Variants in CSNK1G1 observed in about 807,000 individuals in gnomAD.
CSNK1G1 encodes casein kinase I isoform gamma-1.
Under a neutral mutation model 59.6 loss-of-function variants are expected in CSNK1G1, and 22 were observed. The observed-to-expected ratio is 0.37, with a 90% CI of 0.26 to 0.53. The LOEUF is 0.53. Ranked by LOEUF, CSNK1G1 falls within the 20% of genes least tolerant of loss-of-function variation. The pLI is 0.89. For synonymous variants in CSNK1G1, 179 were observed against 177.1 expected, an observed-to-expected ratio of 1.01 and a Z score of -0.08; for missense variants, 384 against 519.5, an observed-to-expected ratio of 0.74 and a Z score of 2.54.
intron 2 of CSNK1G1, among the ~76,000 whole-genome samples, chr15:64,270,091 A>G (rs1209066860): frequency 6.6e-6 from 1 of 152,202 alleles, no homozygotes; most frequent in African/African-American, 2.4e-5. Context: ...TATAGGCATG[A>G]GCCACCACAC....
At chr15:64,301,368 CA>C (rs5813288) in intron 1 of CSNK1G1, among the ~76,000 whole-genome samples, 129,312 of 142,442 alleles carry the variant, frequency 0.91, 59,113 homozygotes, top group South Asian at 0.98. Context: ...GAAAATAAAG[CA>C]AAAAAAAAAA....
At position 64,246,173 on chromosome 15, in the gene CSNK1G1, T is replaced by C. The variant is rs143902166; in HGVS notation, c.292+5339A>G. ...CCCTGACTTGATAATTACACATAGATATGCATGTATCAAAATATCACATAT... is the reference window on the plus strand; with the variant it reads ...CCCTGACTTGATAATTACACATAGACATGCATGTATCAAAATATCACATAT... On this transcript the variant is annotated intron_variant, in intron 4 of 11. Transcript: ENST00000303052. Among the ~76,000 whole-genome samples, 542 of 152,306 alleles carry C rather than the reference T, an allele frequency of 3.6e-3. 4 individuals are homozygous for C. Among genetic ancestry groups the C allele is most frequent in the Non-Finnish European group, 4.5e-3 (307 of 68,022 alleles).
In CSNK1G1 at chr15:64,214,734, G is replaced by T. The variant is rs558795559; in HGVS notation, c.445-610C>A. Among the ~76,000 whole-genome samples, 8 of 152,086 alleles carry T rather than the reference G, an allele frequency of 5.3e-5. No homozygotes were observed. The highest frequency in any genetic ancestry group is 1.9e-4 in the African/African-American group (8 of 41,474). ...GTGGAGTGCAGCCTCAGCCTCCTGG[G>T]TTCTAGCAATTCTCGTGCCTCAGCC... is the stretch of plus-strand genomic sequence containing the variant. On this transcript the variant is annotated intron_variant, in intron 5 of 11. Transcript: ENST00000303052. The surrounding 1 kb of genome is among the most constrained non-coding windows in gnomAD (Gnocchi z 4.3).
intron 11 of CSNK1G1, among the ~76,000 whole-genome samples, chr15:64,178,409 T>G (rs557487820): frequency 1.3e-5 from 2 of 151,742 alleles, no homozygotes; most frequent in African/African-American, 2.4e-5. Flanking sequence ...CAAAAGACAG[T>G]CAAGTCATCC....
intron 1 of CSNK1G1, among the ~76,000 whole-genome samples, chr15:64,311,003 CAAA>C (rs138869466): frequency 2.2e-4 from 28 of 125,476 alleles, no homozygotes; most frequent in Non-Finnish European, 3.1e-4. Flanking sequence ...GACTCCATCT[CAAA>C]AAAAAAAAAA....
At chr15:64,271,877 G>A (rs1893327686) in intron 2 of CSNK1G1, among the ~76,000 whole-genome samples, 1 of 152,124 alleles carries the variant, frequency 6.6e-6, no homozygotes, top group Non-Finnish European at 1.5e-5. Context: ...ATTATTGTGT[G>A]GGAGTCTACA....
intron 10 of CSNK1G1, chr15:64,189,462 C>A: frequency 7.8e-7 from 1 of 1,284,350 alleles, no homozygotes; most frequent in Non-Finnish European, 1.0e-6. Context: ...TAATGCTCAG[C>A]TGTAACAGTC....
intron 2 of CSNK1G1, among the ~76,000 whole-genome samples, chr15:64,280,521 C>T (rs188527512): frequency 1.9e-4 from 29 of 151,762 alleles, no homozygotes; most frequent in Middle Eastern, 3.4e-3. Context: ...AAAAATAGCC[C>T]GGCTAATTTT....
At chr15:64,292,841 C>T (rs917907173) in intron 2 of CSNK1G1, among the ~76,000 whole-genome samples, 2 of 151,950 alleles carry the variant, frequency 1.3e-5, no homozygotes, top group Non-Finnish European at 2.9e-5. Context: ...GGCAGGAGAA[C>T]TGCTTGAACC....
At chr15:64,235,679 T>C (rs933832789) in intron 4 of CSNK1G1, among the ~76,000 whole-genome samples, 1 of 152,190 alleles carries the variant, frequency 6.6e-6, no homozygotes, top group Non-Finnish European at 1.5e-5. Flanking sequence ...CCCCGCAAGG[T>C]AGAAGTTAAA....
chr15:64,321,391 G>C (rs1896558400), intron 1 of CSNK1G1, among the ~76,000 whole-genome samples: 1 of 151,630 alleles, frequency 6.6e-6, no homozygotes, highest in Admixed American at 6.6e-5. Context: ...CCGCAGATGG[G>C]ACCACAGACA....
At chr15:64,267,395 T>C (rs1260575110) in intron 2 of CSNK1G1, among the ~76,000 whole-genome samples, 2 of 152,090 alleles carry the variant, frequency 1.3e-5, no homozygotes, top group Non-Finnish European at 2.9e-5. Context: ...GAAAAAATAT[T>C]TGCAAATTAT....
At chr15:64,322,203 T>G (rs904503559) in intron 1 of CSNK1G1, among the ~76,000 whole-genome samples, 1 of 152,184 alleles carries the variant, frequency 6.6e-6, no homozygotes, top group Non-Finnish European at 1.5e-5. Flanking sequence ...CATATTCATT[T>G]CTCTTTCCTA....
chr15:64,246,638 A>AG (rs1566917946), intron 4 of CSNK1G1, among the ~76,000 whole-genome samples: 2 of 109,950 alleles, frequency 1.8e-5, no homozygotes, highest in Non-Finnish European at 3.6e-5. Flanking sequence ...AAAAAAAAAA[A>AG]AGGGGGGGGG....
intron 2 of CSNK1G1, among the ~76,000 whole-genome samples, chr15:64,289,799 G>C (rs77696200): frequency 0.015 from 2,313 of 152,078 alleles, 52 homozygotes; most frequent in African/African-American, 0.046. Flanking sequence ...CTAAAAGTGA[G>C]CAAAGGACAT....
At chr15:64,218,685 G>A (rs1018205103) in intron 4 of CSNK1G1, among the ~76,000 whole-genome samples, 9 of 151,738 alleles carry the variant, frequency 5.9e-5, no homozygotes, top group African/African-American at 1.7e-4. Flanking sequence ...TACCATGCCC[G>A]GCCTAAATCC....
Position 64,180,429 on chromosome 15 carries a change from A to G in CSNK1G1, c.1133T>C (p.Leu378Pro). ...NQVVSSTNGE[L>P]NVDDPTGAHS... The stretch of plus-strand genomic sequence containing the variant: ...GGCTCCCGTGGGATCATCAACATTC[A>G]GCTCTCCATTGGTTGAGCTAACCAC... The change falls in exon 11 of 12, where the codon CTG becomes CCG. Residue 378 changes from leucine (L) to proline (P), a missense_variant. Leu to Pro is a moderately conservative substitution (Grantham distance 98, BLOSUM62 -3). Around this residue, in one of 3 missense-constraint regions of CSNK1G1, gnomAD observed 325 missense variants for 440.9 expected, o/e 0.74. Transcript: ENST00000303052. 5 of 1,614,140 alleles carry G rather than the reference A, an allele frequency of 3.1e-6. No individual in the cohort carries two copies. Among genetic ancestry groups the G allele is most frequent in the Non-Finnish European group, 4.2e-6 (5 of 1,179,984 alleles).
rs1010728037 is a variant in CSNK1G1 at position 64,168,407 on chromosome 15, G to A, written c.*3524C>T. ...CAACTTGACCAACTCTTACTGCAGA[G>A]ACACAAGTGATACCCTGGTCAAAAG... On this transcript the variant is annotated 3_prime_UTR_variant, in exon 12 of 12. Coordinates refer to ENST00000303052, the MANE Select transcript of CSNK1G1 (RefSeq NM_022048.5). 19 of 152,392 alleles carry A rather than the reference G, an allele frequency of 1.2e-4. 1 individual carries two copies. Among genetic ancestry groups the A allele is most frequent in the Admixed American group, 1.0e-3 (16 of 15,282 alleles). The allele number at this position is 152,392 out of a possible 1,614,324, so 9.4% of individuals were successfully genotyped here. A position where few individuals can be genotyped will look rare whatever the true frequency, so the allele number is the denominator to read the frequency against.
At chr15:64,274,304 C>G (rs1893487134) in intron 2 of CSNK1G1, among the ~76,000 whole-genome samples, 1 of 152,138 alleles carries the variant, frequency 6.6e-6, no homozygotes, top group South Asian at 2.1e-4. Context: ...AATCACTCAG[C>G]CACTATCCTA....
Sources: gnomAD v4.1 joint callset for allele counts (sites outside exome capture counted in the v4.1 genomes callset) on GRCh38, gnomAD v4.1.1 for gene constraint, gnomAD v4.1.1 regional missense constraint, Gnocchi (gnomAD v3.1) non-coding constraint, MANE v1.5 for transcripts, NCBI Gene and HGNC (gene_info 2026-07-23, HGNC 2026-07-21) for gene names.